The following SYT9 variants were observed in gnomAD, a reference collection of about 807,000 sequenced individuals.
The protein encoded by SYT9 is synaptotagmin-9.
In SYT9, 22 loss-of-function variants were observed where a neutral mutation model predicts 48.4. The ratio of observed to expected loss-of-function variants is 0.45; its 90% CI spans 0.32 to 0.65. The LOEUF (loss-of-function observed/expected upper bound fraction) is 0.65. SYT9 is among the 30% of genes least tolerant of loss of function. SYT9 has a pLI of 0.03. For synonymous variants in SYT9, 265 were observed against 245.0 expected, an observed-to-expected ratio of 1.08 and a Z score of -0.76; for missense variants, 577 against 622.0, an observed-to-expected ratio of 0.93 and a Z score of 0.77.
chr11:7,252,186 G>C lies in SYT9; in HGVS notation c.-1G>C. 6.9e-7 allele frequency: 1 copy of C among 1,447,796 alleles called. No homozygotes were observed. The highest frequency in any genetic ancestry group is 9.1e-7 in the Non-Finnish European group (1 of 1,101,948). The allele number at this position is 1,447,796 out of a possible 1,614,324, so 89.7% of individuals were successfully genotyped here. A position where few individuals can be genotyped will look rare whatever the true frequency, so the allele number is the denominator to read the frequency against. On this transcript the variant is annotated 5_prime_UTR_variant, in exon 1 of 7. Transcript: ENST00000318881. This position sits in a 1 kb window ranked among gnomAD's most constrained non-coding sequence, Gnocchi z 6.3. ...GCGCGGTCCGAGGATGCGGGGGGGC[G>C]ATGCCCGGGGCCAGGGACGCGCTCT...
chr11:7,440,286 G>C lies in SYT9; in HGVS notation c.1467+19651G>C, dbSNP rs1322890735. On this transcript the variant is annotated intron_variant, in intron 6 of 6. Coordinates refer to ENST00000318881, the MANE Select transcript of SYT9 (RefSeq NM_175733.4). Reference sequence around the variant, plus strand: ...CTGAGTAGAAAAGAAGCTGGAATTAGCAAAATAACACAAATAGGCATGAGA... The same window carrying C: ...CTGAGTAGAAAAGAAGCTGGAATTACCAAAATAACACAAATAGGCATGAGA... 8 of 152,164 alleles carry C rather than the reference G, an allele frequency of 5.3e-5. No individual in the cohort carries two copies. The East Asian group carries it at 1.3e-3, about 26-fold the overall frequency. The allele number at this position is 152,164 out of a possible 1,614,324, so 9.4% of individuals were successfully genotyped here. A position where few individuals can be genotyped will look rare whatever the true frequency, so the allele number is the denominator to read the frequency against.
intron 6 of SYT9, among the ~76,000 whole-genome samples, chr11:7,458,641 G>A (rs1445183207): frequency 6.6e-6 from 1 of 152,090 alleles, no homozygotes; most frequent in Non-Finnish European, 1.5e-5. Flanking sequence ...AGGAGGTGAG[G>A]GAGCAAGCCC....
At chr11:7,363,394 G>A (rs7101550) in intron 3 of SYT9, among the ~76,000 whole-genome samples, 3,382 of 152,204 alleles carry the variant, frequency 0.022, 117 homozygotes, top group African/African-American at 0.078. Context: ...TACTAGTACC[G>A]AAATGTAGAA....
chr11:7,432,583 ATATATATAC>A lies in SYT9; in HGVS notation c.1467+11949_1467+11957del, dbSNP rs1221456825. Among the ~76,000 whole-genome samples the A allele has an allele frequency of 5.2e-3, 15 of 2,890 alleles. 1 individual carries two copies. The highest frequency in any genetic ancestry group is 0.016 in the South Asian group (1 of 62). The allele number at this position is 2,890 out of a possible 152,430, so 1.9% of individuals were successfully genotyped here. A position where few individuals can be genotyped will look rare whatever the true frequency, so the allele number is the denominator to read the frequency against. ...AAAAAAAAAAAAAAAAAAAAAAAAAATATATATACATATATATATATATATATATATATA... is the reference window on the plus strand; with the variant it reads ...AAAAAAAAAAAAAAAAAAAAAAAAAAATATATATATATATATATATATATA... On this transcript the variant is annotated intron_variant, in intron 6 of 6. Coordinates refer to ENST00000318881, the MANE Select transcript of SYT9 (RefSeq NM_175733.4).
chr11:7,332,595 C>A (rs1032643152), intron 3 of SYT9, among the ~76,000 whole-genome samples: 1 of 152,176 alleles, frequency 6.6e-6, no homozygotes, highest in Non-Finnish European at 1.5e-5. Context: ...CCCTCACCTC[C>A]CACCCCACAT....
chr11:7,356,549 T>C (rs1490165384), intron 3 of SYT9, among the ~76,000 whole-genome samples: 1 of 152,196 alleles, frequency 6.6e-6, no homozygotes, highest in Non-Finnish European at 1.5e-5. Context: ...TGCACATTAC[T>C]TTTCTGTACT....
intron 6 of SYT9, among the ~76,000 whole-genome samples, chr11:7,449,480 T>C (rs1482905310): frequency 1.3e-5 from 2 of 151,778 alleles, no homozygotes; most frequent in Non-Finnish European, 1.5e-5. Flanking sequence ...CAGGATTCAG[T>C]TGAAGTGAGA....
At chr11:7,437,998 T>C (rs1315359402) in intron 6 of SYT9, 3 of 152,240 alleles carry the variant, frequency 2.0e-5, no homozygotes, top group Non-Finnish European at 4.4e-5. Context: ...AGGTTGCGAA[T>C]ACTACACCAA....
intron 1 of SYT9, among the ~76,000 whole-genome samples, chr11:7,243,403 C>T (rs1040762986): frequency 6.6e-6 from 1 of 152,140 alleles, no homozygotes; most frequent in South Asian, 2.1e-4. Context: ...CTGAGACAAA[C>T]GTATGGTTTT....
intron 3 of SYT9, among the ~76,000 whole-genome samples, chr11:7,325,377 G>C (rs1849413698): frequency 7.3e-6 from 1 of 137,026 alleles, no homozygotes; most frequent in South Asian, 2.6e-4. Flanking sequence ...TGAAGCAATT[G>C]TGAATGGGAG....
In SYT9 at chr11:7,290,534, G is replaced by T. The variant is rs188663985; in HGVS notation, c.146-12505G>T. ...TATCATTTTCAATCATGATGAAAATGTAATCTTAATGCCTATTGTATATGT... is the reference window on the plus strand; with the variant it reads ...TATCATTTTCAATCATGATGAAAATTTAATCTTAATGCCTATTGTATATGT... On this transcript the variant is annotated intron_variant, in intron 1 of 6. Coordinates refer to ENST00000318881, the MANE Select transcript of SYT9 (RefSeq NM_175733.4). Among the ~76,000 whole-genome samples the T allele has an allele frequency of 4.6e-3, 694 of 152,268 alleles. 5 individuals are homozygous for T. Among genetic ancestry groups the T allele is most frequent in the African/African-American group, 0.015 (629 of 41,560 alleles).
At chr11:7,241,583 C>T (rs1417574004) in intron 1 of SYT9, among the ~76,000 whole-genome samples, 3 of 152,184 alleles carry the variant, frequency 2.0e-5, no homozygotes, top group Non-Finnish European at 4.4e-5. Flanking sequence ...TGGAAGGATT[C>T]AGACCACAGT....
intron 1 of SYT9, among the ~76,000 whole-genome samples, chr11:7,285,507 A>T (rs1848580142): frequency 6.6e-6 from 1 of 152,164 alleles, no homozygotes; most frequent in Admixed American, 6.5e-5. Flanking sequence ...TCAAGATGAG[A>T]TTTGGGTGGG....
intron 1 of SYT9, among the ~76,000 whole-genome samples, chr11:7,263,084 A>G (rs1349972185): frequency 6.6e-6 from 1 of 152,198 alleles, no homozygotes; most frequent in Non-Finnish European, 1.5e-5. Flanking sequence ...CAGTGTAGGC[A>G]TTTAGGCACC....
upstream of SYT9, among the ~76,000 whole-genome samples, chr11:7,247,589 G>C (rs543899144): frequency 2.8e-5 from 4 of 143,138 alleles, no homozygotes; most frequent in South Asian, 8.7e-4. Flanking sequence ...ATATATATGT[G>C]TATATATACG....
At chr11:7,298,620 G>T (rs76106662) in intron 1 of SYT9, among the ~76,000 whole-genome samples, 4 of 150,806 alleles carry the variant, frequency 2.7e-5, no homozygotes, top group African/African-American at 7.3e-5. Context: ...TTTTTTACTT[G>T]TTGGCCAGTA....
intron 3 of SYT9, among the ~76,000 whole-genome samples, chr11:7,333,024 G>A (rs546895486): frequency 5.3e-5 from 8 of 152,204 alleles, no homozygotes; most frequent in African/African-American, 1.9e-4. Flanking sequence ...CTTGGAAAAT[G>A]AGTTTTCAAC....
At chr11:7,390,384 A>G (rs1850740635) in intron 3 of SYT9, among the ~76,000 whole-genome samples, 1 of 152,170 alleles carries the variant, frequency 6.6e-6, no homozygotes, top group Non-Finnish European at 1.5e-5. Flanking sequence ...GGAATTTTTT[A>G]GAAGCCCTTA....
At chr11:7,460,824 T>C (rs1848222778) in intron 6 of SYT9, among the ~76,000 whole-genome samples, 1 of 152,204 alleles carries the variant, frequency 6.6e-6, no homozygotes, top group Middle Eastern at 3.2e-3. Flanking sequence ...ATAATTCTTA[T>C]TTGTTAACCC....
Sources: gnomAD v4.1 joint callset for allele counts (sites outside exome capture counted in the v4.1 genomes callset) on GRCh38, gnomAD v4.1.1 for gene constraint, Gnocchi (gnomAD v3.1) non-coding constraint, MANE v1.5 for transcripts, NCBI Gene and HGNC (gene_info 2026-07-23, HGNC 2026-07-21) for gene names.